Variants in VMP1 observed in about 807,000 individuals in gnomAD.
VMP1 encodes the protein ectopic P-granules autophagy protein 3 homolog.
A neutral mutation model predicts 56.0 loss-of-function variants in VMP1; 11 were observed. The observed-to-expected ratio is 0.20, with a 90% CI of 0.12 to 0.32. VMP1 has a LOEUF of 0.32. VMP1 is among the 10% of genes least tolerant of loss of function. The pLI, the probability that VMP1 is intolerant of heterozygous loss-of-function variation, is 1.00. For synonymous variants in VMP1, 149 were observed against 165.0 expected (o/e 0.90, Z 0.74); for missense variants, 296 against 490.3 (o/e 0.60, Z 3.74).
At chr17:59,783,322 G>A (rs981508) in intron 7 of VMP1, among the ~76,000 whole-genome samples, 4,533 of 152,274 alleles carry the variant, frequency 0.03, 96 homozygotes, top group Non-Finnish European at 0.046. Context: ...GCATTTATTT[G>A]TATTCTGATT....
chr17:59,764,887 C>T, intron 5 of VMP1, 84 bp from the exon 6 acceptor site: 1 of 1,026,762 alleles, frequency 9.7e-7, no homozygotes, highest in Non-Finnish European at 1.3e-6. Context: ...TTTTCTTACA[C>T]AGTAATTAAT....
intron 5 of VMP1, among the ~76,000 whole-genome samples, chr17:59,762,074 T>G (rs1322092315): frequency 1.3e-5 from 2 of 152,216 alleles, no homozygotes; most frequent in Admixed American, 6.5e-5. Context: ...AGCCCTGTAC[T>G]GCCTGTAGTA....
intron 5 of VMP1, among the ~76,000 whole-genome samples, chr17:59,763,042 A>C (rs939868289): frequency 6.6e-5 from 10 of 152,172 alleles, no homozygotes. Flanking sequence ...GGACAGTAAC[A>C]TGGGGACAGC....
intron 7 of VMP1, among the ~76,000 whole-genome samples, chr17:59,801,487 C>T (rs901780934): frequency 2.0e-5 from 3 of 151,958 alleles, no homozygotes; most frequent in African/African-American, 7.2e-5. Flanking sequence ...GTCCTAGGCT[C>T]GAGTGATCCT....
In VMP1 at chr17:59,806,715, C is replaced by CAAA. The variant is rs5821281; in HGVS notation, c.715-2066_715-2064dup. 8.9e-4 allele frequency among the ~76,000 whole-genome samples: 107 copies of CAAA among 120,756 alleles called. 1 individual carries two copies. The highest frequency in any genetic ancestry group is 3.0e-3 in the African/African-American group (98 of 32,662). The allele number at this position is 120,756 out of a possible 152,430, so 79.2% of individuals were successfully genotyped here. On this transcript the variant is annotated intron_variant, in intron 7 of 11. Transcript: ENST00000262291. The stretch of plus-strand genomic sequence containing the variant: ...AGGCAACAAGAGTGAAAGTTTGTCT[C>CAAA]AAAAAAAAAAAAAAAAATTAAATCT...
At chr17:59,772,378 G>T (rs2036458944) in intron 6 of VMP1, among the ~76,000 whole-genome samples, 1 of 152,140 alleles carries the variant, frequency 6.6e-6, no homozygotes, top group South Asian at 2.1e-4. Flanking sequence ...CAAAATATTT[G>T]AATTTGATTT....
At chr17:59,817,199 G>A (rs548295729) in intron 9 of VMP1, among the ~76,000 whole-genome samples, 14 of 132,656 alleles carry the variant, frequency 1.1e-4, no homozygotes, top group Admixed American at 8.8e-4. Flanking sequence ...GCTTGAACCC[G>A]GGAGGCGGAG....
In VMP1 at chr17:59,735,371, A is replaced by G. The variant is rs748835554; in HGVS notation, c.110A>G (p.Glu37Gly). ...TCAGTGAATGAAAAGAAGAGGAGGG[A>G]GCGGGAAGAAAGGCAGAATATTGTC... is the stretch of plus-strand genomic sequence containing the variant. ...PSSVNEKKRR[E>G]REERQNIVLW... The change falls in exon 3 of 12, where the codon GAG becomes GGG. Residue 37 changes from glutamate (E) to glycine (G), a missense_variant. This residue lies in a region of VMP1 where 69 missense variants were observed against 76.6 expected (regional missense o/e 0.90). Coordinates refer to ENST00000262291, the MANE Select transcript of VMP1 (RefSeq NM_030938.5). 6.2e-7 allele frequency: 1 copy of G among 1,614,082 alleles called. No homozygotes were observed. The highest frequency in any genetic ancestry group is 1.1e-5 in the South Asian group (1 of 91,078).
chr17:59,817,363 T>TTTTAC (rs1249714211), intron 9 of VMP1, among the ~76,000 whole-genome samples: 1 of 151,050 alleles, frequency 6.6e-6, no homozygotes, highest in Admixed American at 6.6e-5. Context: ...TTTTATTTTA[T>TTTTAC]TTTTGATATG....
intron 7 of VMP1, among the ~76,000 whole-genome samples, chr17:59,802,185 G>A (rs895879032): frequency 6.6e-6 from 1 of 151,922 alleles, no homozygotes; most frequent in Non-Finnish European, 1.5e-5. Context: ...GGGCGACAGA[G>A]CGAGACCCTG....
intron 5 of VMP1, among the ~76,000 whole-genome samples, chr17:59,751,386 G>T (rs1470547372): frequency 6.6e-6 from 1 of 152,058 alleles, no homozygotes; most frequent in Non-Finnish European, 1.5e-5. Context: ...GAACATAGCT[G>T]CTGTTGACCT....
At chr17:59,787,542 C>T (rs915503025) in intron 7 of VMP1, among the ~76,000 whole-genome samples, 1 of 152,148 alleles carries the variant, frequency 6.6e-6, no homozygotes, top group Non-Finnish European at 1.5e-5. Flanking sequence ...TAAATTTAGG[C>T]TGGGCACAAT....
chr17:59,732,392 G>A (rs555250441), intron 2 of VMP1, among the ~76,000 whole-genome samples: 22 of 152,214 alleles, frequency 1.4e-4, no homozygotes, highest in African/African-American at 4.8e-4. Flanking sequence ...AAAGGCATGC[G>A]CCACCACGCC....
intron 5 of VMP1, among the ~76,000 whole-genome samples, chr17:59,761,453 T>TGG (rs1337258051): frequency 2.6e-5 from 4 of 152,138 alleles, no homozygotes; most frequent in African/African-American, 7.2e-5. Flanking sequence ...AACATTGATG[T>TGG]GGGGGGAGGG....
intron 10 of VMP1, among the ~76,000 whole-genome samples, chr17:59,836,960 G>T (rs80354604): frequency 0.13 from 20,215 of 151,892 alleles, 1,541 homozygotes; most frequent in Middle Eastern, 0.17. Context: ...CCAGCACTTT[G>T]GGAGGCCGAG....
intron 7 of VMP1, among the ~76,000 whole-genome samples, chr17:59,791,380 G>A (rs1046007881): frequency 1.3e-5 from 2 of 151,762 alleles, no homozygotes; most frequent in African/African-American, 2.4e-5. Flanking sequence ...TAGTAGAGAC[G>A]GGGTTTTAGT....
chr17:59,775,560 G>C (rs1448326887), intron 7 of VMP1, among the ~76,000 whole-genome samples: 2 of 147,554 alleles, frequency 1.4e-5, no homozygotes, highest in African/African-American at 5.0e-5. Context: ...GGGCTCAAGT[G>C]ATCCTCCCAC....
At chr17:59,821,277 C>T (rs2038440581) in intron 10 of VMP1, among the ~76,000 whole-genome samples, 3 of 151,686 alleles carry the variant, frequency 2.0e-5, no homozygotes, top group South Asian at 2.1e-4. Context: ...ACCTATCTTA[C>T]GTCTTTCAAA....
At chr17:59,807,141 T>C (rs1424769623) in intron 7 of VMP1, among the ~76,000 whole-genome samples, 1 of 152,148 alleles carries the variant, frequency 6.6e-6, no homozygotes, top group Non-Finnish European at 1.5e-5. Flanking sequence ...CTTTTCTGGC[T>C]TTAAACTTTG....
Sources: allele counts gnomAD v4.1 joint callset (sites outside exome capture counted in the v4.1 genomes callset), GRCh38; gene constraint gnomAD v4.1.1; regional missense constraint gnomAD v4.1.1; transcripts MANE v1.5; gene names NCBI Gene and HGNC (gene_info 2026-07-23, HGNC 2026-07-21).